TPP2: variants seen among roughly 807,000 people sequenced by gnomAD.
TPP2 encodes the protein tripeptidyl-peptidase 2.
Under a neutral mutation model 155.9 loss-of-function variants are expected in TPP2, and 34 were observed. The observed-to-expected ratio is 0.22, with a 90% CI of 0.17 to 0.29. TPP2 has a LOEUF of 0.29. Ranked by LOEUF, TPP2 falls within the 10% of genes least tolerant of loss-of-function variation. TPP2 has a pLI of 1.00. For missense variants in TPP2, 1,028 were observed against 1,522.3 expected, an observed-to-expected ratio of 0.68 and a Z score of 5.40; for synonymous variants, 510 against 529.4, an observed-to-expected ratio of 0.96 and a Z score of 0.50.
chr13:102,631,684 T>C (rs1315775184), intron 10 of TPP2, among the ~76,000 whole-genome samples: 1 of 152,226 alleles, frequency 6.6e-6, no homozygotes, highest in African/African-American at 2.4e-5. Context: ...TGGGGGAAGC[T>C]TGGATTAAAG....
intron 27 of TPP2, among the ~76,000 whole-genome samples, chr13:102,671,492 C>T (rs1242118298): frequency 6.6e-6 from 1 of 152,108 alleles, no homozygotes. Context: ...ACAACAGTGG[C>T]CATTATTAGA....
At chr13:102,666,766 CTTTTTTTTT>C in intron 27 of TPP2, among the ~76,000 whole-genome samples, 23 of 55,736 alleles carry the variant, frequency 4.1e-4, no homozygotes, top group South Asian at 2.9e-3. Context: ...TTTTTAATCT[CTTTTTTTTT>C]TTTTTTTTTT....
At chr13:102,659,448 A>T (rs1251337782) in intron 25 of TPP2, among the ~76,000 whole-genome samples, 5 of 152,206 alleles carry the variant, frequency 3.3e-5, no homozygotes, top group Admixed American at 6.5e-5. Flanking sequence ...AGATAAGGAG[A>T]AGATCTTGAG....
chr13:102,616,144 A>G (rs563535188), intron 3 of TPP2, among the ~76,000 whole-genome samples: 1 of 152,132 alleles, frequency 6.6e-6, no homozygotes, highest in South Asian at 2.1e-4. Context: ...TTTAGTAGAG[A>G]CGGGGTTTCA....
At chr13:102,612,213 G>T (rs532448104) in intron 2 of TPP2, among the ~76,000 whole-genome samples, 30 of 152,310 alleles carry the variant, frequency 2.0e-4, no homozygotes, top group Non-Finnish European at 3.4e-4. Flanking sequence ...GAAACTGTGC[G>T]TGTGCCCTGG....
chr13:102,634,805 T>C (rs537328142), intron 11 of TPP2, among the ~76,000 whole-genome samples: 4 of 152,306 alleles, frequency 2.6e-5, no homozygotes, highest in African/African-American at 7.2e-5. Context: ...CATGACCCTC[T>C]TTCTAGTTCT....
In TPP2 at chr13:102,648,788, C is replaced by G. The variant is rs1883312136; in HGVS notation, c.2629-119C>G. The G allele has an allele frequency of 3.7e-6, 5 of 1,345,624 alleles. No individual in the cohort carries two copies. In the Admixed American group the frequency reaches 8.4e-5, roughly 23 times the overall value. The allele number at this position is 1,345,624 out of a possible 1,614,324, so 83.4% of individuals were successfully genotyped here. ...ACGTCTGGATAGTTAGTTCCTTGCA[C>G]TGTACCTCACATATTATGAACAAGT... On this transcript the variant is annotated intron_variant, in intron 21 of 29. Transcript: ENST00000376052.
At chr13:102,673,745 A>G (rs1885132728) in intron 27 of TPP2, among the ~76,000 whole-genome samples, 1 of 152,234 alleles carries the variant, frequency 6.6e-6, no homozygotes, top group South Asian at 2.1e-4. Flanking sequence ...TTCCTTTGCA[A>G]CATGGCAGTA....
chr13:102,598,560 G>A (rs958373481), intron 1 of TPP2, among the ~76,000 whole-genome samples: 14 of 152,298 alleles, frequency 9.2e-5, no homozygotes, highest in Non-Finnish European at 1.9e-4. Context: ...ATAACTTAAA[G>A]ACTTAGAACA....
intron 25 of TPP2, among the ~76,000 whole-genome samples, chr13:102,658,026 T>G (rs1043817030): frequency 6.6e-5 from 10 of 152,210 alleles, no homozygotes. Flanking sequence ...ATTCAGACAT[T>G]AGGTGTTTCT....
At chr13:102,677,617 A>G (rs1885361860) in intron 29 of TPP2, among the ~76,000 whole-genome samples, 1 of 151,952 alleles carries the variant, frequency 6.6e-6, no homozygotes, top group South Asian at 2.1e-4. Flanking sequence ...AGCACTAACT[A>G]CTCTGGCTGG....
chr13:102,652,666 T>G (rs1022116298), intron 24 of TPP2, among the ~76,000 whole-genome samples: 4 of 151,960 alleles, frequency 2.6e-5, no homozygotes, highest in African/African-American at 9.7e-5. Context: ...GTCCATATTA[T>G]TACATAATAG....
intron 28 of TPP2, among the ~76,000 whole-genome samples, chr13:102,675,209 G>A (rs1885216908): frequency 6.6e-6 from 1 of 152,156 alleles, no homozygotes; most frequent in African/African-American, 2.4e-5. Context: ...AAAGAACCCT[G>A]GAAGTGGGAA....
intron 27 of TPP2, among the ~76,000 whole-genome samples, chr13:102,672,205 C>T (rs1296098004): frequency 2.0e-5 from 3 of 152,066 alleles, no homozygotes; most frequent in Non-Finnish European, 2.9e-5. Flanking sequence ...CACTAGGGGC[C>T]GAAGAGAGTT....
chr13:102,665,551 G>GT (rs1884540262), intron 27 of TPP2, among the ~76,000 whole-genome samples: 1 of 152,152 alleles, frequency 6.6e-6, no homozygotes, highest in South Asian at 2.1e-4. Context: ...ATTTCCGTAT[G>GT]TTGGTGTAAT....
At chr13:102,616,344 T>A (rs1467797352) in intron 3 of TPP2, 52 bp from the exon 4 acceptor site, 1 of 1,443,508 alleles carries the variant, frequency 6.9e-7, no homozygotes, top group African/African-American at 1.4e-5. Flanking sequence ...CTGTCTAGGT[T>A]TACCTGAGTA....
intron 25 of TPP2, among the ~76,000 whole-genome samples, chr13:102,658,261 G>C (rs559270522): frequency 1.3e-5 from 2 of 152,242 alleles, no homozygotes; most frequent in East Asian, 3.9e-4. Flanking sequence ...CAGTTATATG[G>C]TTTTAGAGGG....
intron 1 of TPP2, among the ~76,000 whole-genome samples, chr13:102,598,659 A>G (rs1180690191): frequency 6.6e-6 from 1 of 152,182 alleles, no homozygotes; most frequent in African/African-American, 2.4e-5. Context: ...TTATAGGATG[A>G]GTGGGAGGAA....
chr13:102,650,121 A>G (rs539162233), intron 23 of TPP2, among the ~76,000 whole-genome samples: 1 of 152,140 alleles, frequency 6.6e-6, no homozygotes, highest in African/African-American at 2.4e-5. Flanking sequence ...ATAAGTACCT[A>G]CCTGTTTTTG....
Sources: gnomAD v4.1 joint callset for allele counts (sites outside exome capture counted in the v4.1 genomes callset) on GRCh38, gnomAD v4.1.1 for gene constraint, MANE v1.5 for transcripts, NCBI Gene and HGNC (gene_info 2026-07-23, HGNC 2026-07-21) for gene names.